The following SEMA4A variants were observed in gnomAD, a reference collection of about 807,000 sequenced individuals.
SEMA4A encodes the protein semaphorin-4A.
Under a neutral mutation model 72.5 loss-of-function variants are expected in SEMA4A, and 52 were observed. That is an observed-to-expected ratio of 0.72 (90% CI 0.57 to 0.90). SEMA4A has a LOEUF of 0.90. Among genes scored for constraint, SEMA4A ranks in the 40% least tolerant of loss-of-function variants. SEMA4A has a pLI of 0.00. For synonymous variants in SEMA4A, 369 were observed against 393.1 expected (o/e 0.94, Z 0.73); for missense variants, 926 against 959.7 (o/e 0.96, Z 0.46).
At chr1:156,161,250 T>G in intron 8 of SEMA4A, 96 bp from the exon 9 acceptor site, 1 of 597,190 alleles carries the variant, frequency 1.7e-6, no homozygotes. Context: ...TGGCGGGGAC[T>G]GGGGGGACAC....
chr1:156,168,889 T>C (rs1004161037), intron 10 of SEMA4A, among the ~76,000 whole-genome samples: 11 of 152,230 alleles, frequency 7.2e-5, no homozygotes, highest in African/African-American at 2.7e-4. Context: ...TCTTGGTGTC[T>C]GGGAGCCACA....
Position 156,163,061 on chromosome 1 carries a change from T to C in SEMA4A, c.1101T>C (p.Tyr367=), listed in dbSNP as rs996418829. 2.5e-6 allele frequency: 4 copies of C among 1,614,076 alleles called. No individual in the cohort carries two copies. In the African/African-American group the frequency reaches 5.3e-5, roughly 22 times the overall value. ...AAGAAACTTCACGCTGGACTACTTA[T>C]AGGGGCCCTGAGACCAACCCCCGGC... ...LNKETSRWTT[Y]RGPETNPRPG... is the part of the protein sequence containing the mutation. The change falls in exon 10 of 15, where the codon TAT becomes TAC. Residue 367 remains tyrosine, a synonymous_variant. Coordinates refer to ENST00000368285, the MANE Select transcript of SEMA4A (RefSeq NM_022367.4).
At chr1:156,162,567 C>A (rs1314561605) in intron 9 of SEMA4A, among the ~76,000 whole-genome samples, 1 of 152,202 alleles carries the variant, frequency 6.6e-6, no homozygotes, top group Non-Finnish European at 1.5e-5. Context: ...ACCAGGGATC[C>A]AAGAGACTCA....
At chr1:156,174,363 G>A (rs1256186795) in intron 11 of SEMA4A, among the ~76,000 whole-genome samples, 1 of 152,216 alleles carries the variant, frequency 6.6e-6, no homozygotes, top group Non-Finnish European at 1.5e-5. Flanking sequence ...ATAGCATCCT[G>A]AATAAGTAAA....
intron 2 of SEMA4A, 39 bp downstream of exon 2, chr1:156,154,756 G>A: frequency 6.4e-7 from 1 of 1,562,224 alleles, no homozygotes; most frequent in Non-Finnish European, 8.7e-7. Flanking sequence ...GATAGCAATA[G>A]AGAGCTGGAG....
chr1:156,156,687 C>CAACTA, intron 3 of SEMA4A, 113 bp downstream of exon 3: 1 of 1,010,550 alleles, frequency 9.9e-7, no homozygotes, highest in Non-Finnish European at 1.5e-6. Context: ...CTGTAATCAG[C>CAACTA]AGTTCTCTTT....
At chr1:156,155,147 G>C (rs1366641550) in intron 2 of SEMA4A, 3 of 235,314 alleles carry the variant, frequency 1.3e-5, no homozygotes, top group Non-Finnish European at 2.6e-5. Flanking sequence ...CAACCACATA[G>C]ATCATGCTGG....
At chr1:156,147,845 T>C (rs1448504874), upstream of SEMA4A, among the ~76,000 whole-genome samples, 1 of 152,144 alleles carries the variant, frequency 6.6e-6, no homozygotes, top group Non-Finnish European at 1.5e-5. Context: ...GGAAAGGCTC[T>C]CTCTCCCTCT....
At position 156,177,511 on chromosome 1, in the gene SEMA4A, C is replaced by T. The variant is rs1207345951; in HGVS notation, c.*514C>T. ...CCTCCTGCTTCCCTTACCAGTCGTGCACCGCTGACTCCCAGGAAGTCTTTC... is the reference window on the plus strand; with the variant it reads ...CCTCCTGCTTCCCTTACCAGTCGTGTACCGCTGACTCCCAGGAAGTCTTTC... On this transcript the variant is annotated 3_prime_UTR_variant, in exon 15 of 15. Coordinates refer to ENST00000368285, the MANE Select transcript of SEMA4A (RefSeq NM_022367.4). The T allele has an allele frequency of 9.7e-6, 2 of 206,808 alleles. No homozygotes were observed. The highest frequency in any genetic ancestry group is 1.2e-4 in the East Asian group (1 of 8,602). The allele number at this position is 206,808 out of a possible 1,614,324, so 12.8% of individuals were successfully genotyped here.
intron 10 of SEMA4A, 89 bp from the exon 11 acceptor site, chr1:156,172,737 G>A: frequency 8.2e-7 from 1 of 1,213,288 alleles, no homozygotes; most frequent in Non-Finnish European, 1.2e-6. Context: ...CCATGAGGGA[G>A]GGGGTAAAGG....
Position 156,154,694 on chromosome 1 carries a change from T to C in SEMA4A, c.116T>C (p.Met39Thr), listed in dbSNP as rs141177664. The change falls in exon 2 of 15, where the codon ATG becomes ACG. Residue 39 changes from methionine (M) to threonine (T), a missense_variant. By Grantham distance (81) the Met-to-Thr change is moderately conservative. Transcript: ENST00000368285. ...TTAGGGGQGP[M>T]PRVRYYAGDE... ...GCGGGGGGAGGCGGGCAGGGGCCCA[T>C]GCCCAGGGTCAGATACTATGCAGGT... is the stretch of plus-strand genomic sequence containing the variant. The C allele has an allele frequency of 3.8e-6, 6 of 1,588,850 alleles. No homozygotes were observed. The Admixed American group carries it at 1.1e-4, about 29-fold the overall frequency.
At chr1:156,159,066 C>T in intron 6 of SEMA4A, 1 of 522,092 alleles carries the variant, frequency 1.9e-6, no homozygotes, top group Non-Finnish European at 3.4e-6. Context: ...TGCCTCATGC[C>T]TGTAATCCTA....
rs983899083 is a variant in SEMA4A at position 156,157,539 on chromosome 1, G to A, written c.301-531G>A. ...ACAATGTGAGGAAGGAAGGAAGAAA[G>A]GGAGAGAAGGCACTAGCAATATTAG... On this transcript the variant is annotated intron_variant, in intron 3 of 14. Coordinates refer to ENST00000368285, the MANE Select transcript of SEMA4A (RefSeq NM_022367.4). This position sits in a 1 kb window ranked among gnomAD's most constrained non-coding sequence, Gnocchi z 4.5. 6.6e-6 allele frequency among the ~76,000 whole-genome samples: 1 copy of A among 152,144 alleles called. No homozygotes were observed. Among genetic ancestry groups the A allele is most frequent in the East Asian group, 1.9e-4 (1 of 5,198 alleles).
At chr1:156,154,764 G>A in intron 2 of SEMA4A, 47 bp downstream of exon 2, 1 of 1,555,736 alleles carries the variant, frequency 6.4e-7, no homozygotes, top group Non-Finnish European at 8.7e-7. Context: ...TAGAGAGCTG[G>A]AGGTGGGTGG....
chr1:156,175,933 T>C (rs1182918093), intron 14 of SEMA4A, among the ~76,000 whole-genome samples: 1 of 151,862 alleles, frequency 6.6e-6, no homozygotes, highest in African/African-American at 2.4e-5. Flanking sequence ...AGACTGGAGA[T>C]TAAGGAGGAG....
At chr1:156,161,243 C>T in intron 8 of SEMA4A, 103 bp from the exon 9 acceptor site, 3 of 474,704 alleles carry the variant, frequency 6.3e-6, no homozygotes, top group Non-Finnish European at 9.6e-6. Flanking sequence ...GCGGGGCTGG[C>T]GGGGACTGGG....
intron 2 of SEMA4A, 181 bp from the exon 3 acceptor site, chr1:156,156,233 A>C (rs1653008520): frequency 1.5e-6 from 1 of 664,484 alleles, no homozygotes; most frequent in Admixed American, 2.1e-5. Flanking sequence ...GGCTCAGCAC[A>C]CAACGCTCTT....
At position 156,176,465 on chromosome 1, in the gene SEMA4A, C is replaced by A. The variant is rs765361598; in HGVS notation, c.1754C>A (p.Ala585Asp). The A allele has an allele frequency of 1.2e-6, 2 of 1,614,190 alleles. No individual in the cohort carries two copies. The highest frequency in any genetic ancestry group is 1.7e-6 in the Non-Finnish European group (2 of 1,180,034). ...ILELPCPHLS[A>D]LASYYWSHGP... ...GAGCTCCCCTGCCCCCACCTGTCAG[C>A]CTTGGCCTCTTATTATTGGAGTCAT... The change falls in exon 15 of 15, where the codon GCC becomes GAC. Residue 585 changes from alanine (A) to aspartate (D), a missense_variant. Transcript: ENST00000368285.
intron 10 of SEMA4A, among the ~76,000 whole-genome samples, chr1:156,166,967 G>A (rs367862194): frequency 5.1e-4 from 77 of 151,398 alleles, no homozygotes; most frequent in African/African-American, 1.6e-3. Context: ...AAGATTTTTC[G>A]TTTCTGCCAA....
Sources: allele counts gnomAD v4.1 joint callset (sites outside exome capture counted in the v4.1 genomes callset), GRCh38; gene constraint gnomAD v4.1.1; non-coding constraint Gnocchi (gnomAD v3.1); transcripts MANE v1.5; gene names NCBI Gene and HGNC (gene_info 2026-07-23, HGNC 2026-07-21).